Variants in RUSC2 observed in about 807,000 individuals in gnomAD.
The protein encoded by RUSC2 is AP-4 complex accessory subunit RUSC2.
RUSC2 carries 34 observed loss-of-function variants against 122.2 expected under a neutral mutation model. The ratio of observed to expected loss-of-function variants is 0.28; its 90% CI spans 0.21 to 0.37. The LOEUF (loss-of-function observed/expected upper bound fraction) is 0.37, where lower values mean the gene tolerates loss of function less well. Ranked by LOEUF, RUSC2 falls within the 10% of genes least tolerant of loss-of-function variation. The pLI is 1.00. For synonymous variants in RUSC2, 784 were observed against 790.0 expected, an observed-to-expected ratio of 0.99 and a Z score of 0.13; for missense variants, 1,747 against 1,952.4, an observed-to-expected ratio of 0.89 and a Z score of 1.98.
At chr9:35,539,573 ATGCATG>A (rs1284128533) in intron 1 of RUSC2, among the ~76,000 whole-genome samples, 1 of 45,384 alleles carries the variant, frequency 2.2e-5, no homozygotes, top group Non-Finnish European at 6.2e-5. Context: ...ACATACATAC[ATGCATG>A]CATGCATGCA....
chr9:35,548,266 A>G lies in RUSC2; in HGVS notation c.1745A>G (p.Asp582Gly). ...EFSPIQEAQQ[D>G]RGAPLDEGTC... ...TCACCCATCCAAGAAGCCCAGCAAG[A>G]TCGGGGGGCCCCACTGGATGAGGGC... Residue 582 changes from aspartate to glycine, a missense_variant, in exon 2 of 12, where the codon GAT becomes GGT. Asp to Gly is a moderately conservative substitution (Grantham distance 94). Coordinates refer to ENST00000361226, the MANE Select transcript of RUSC2 (RefSeq NM_014806.5). This position sits in a 1 kb window ranked among gnomAD's most constrained non-coding sequence, Gnocchi z 4.5. 3 of 1,613,800 alleles carry G rather than the reference A, an allele frequency of 1.9e-6. No homozygotes were observed. Among genetic ancestry groups the G allele is most frequent in the Non-Finnish European group, 2.5e-6 (3 of 1,179,986 alleles).
intron 1 of RUSC2, among the ~76,000 whole-genome samples, chr9:35,535,137 T>C (rs1166133581): frequency 1.3e-5 from 2 of 152,094 alleles, no homozygotes; most frequent in South Asian, 2.1e-4. Context: ...TTTTTAGATA[T>C]GGAGTGTCAC....
rs1189160207 is a variant in RUSC2 at position 35,561,367 on chromosome 9, A to G, written c.4536A>G (p.Gly1512=). 1 of 1,612,300 alleles carries G rather than the reference A, an allele frequency of 6.2e-7. No homozygotes were observed. The highest frequency in any genetic ancestry group is 8.5e-7 in the Non-Finnish European group (1 of 1,179,110). Residue 1512 remains glycine, a synonymous_variant, in exon 12 of 12, where the codon GGA becomes GGG. Transcript: ENST00000361226. ...CCCCAACTCCAAGTCCAACCCCTGGAAGCAGCCAAAACTGAGGCCCTGTGC... is the reference window on the plus strand; with the variant it reads ...CCCCAACTCCAAGTCCAACCCCTGGGAGCAGCCAAAACTGAGGCCCTGTGC... The part of the protein sequence containing the change: ...TLTPTPSPTP[G]SSQN
chr9:35,527,066 AGATC>A (rs369896277), intron 1 of RUSC2, among the ~76,000 whole-genome samples: 42 of 151,286 alleles, frequency 2.8e-4, no homozygotes, highest in Non-Finnish European at 5.2e-4. Flanking sequence ...TGATTTCTTC[AGATC>A]GATCTTCCAG....
intron 1 of RUSC2, among the ~76,000 whole-genome samples, chr9:35,491,455 T>TAG (rs1820566605): frequency 6.6e-6 from 1 of 152,210 alleles, no homozygotes; most frequent in Non-Finnish European, 1.5e-5. Context: ...GTTATGCCCG[T>TAG]CCTGCTGTAT....
In RUSC2 at chr9:35,558,265, C is replaced by T. The variant is rs148269529; in HGVS notation, c.3129C>T (p.Ala1043=). Residue 1043 remains alanine, a synonymous_variant, in exon 7 of 12, where the codon GCC becomes GCT. Transcript: ENST00000361226. The surrounding 1 kb of genome is among the most constrained non-coding windows in gnomAD (Gnocchi z 4.3). Reference sequence around the variant, plus strand: ...TGGTTCTGAAGTACTTGTGCCCTGCCGTCCGCGCCGTGCTGGAGGATGGGC... The same window carrying T: ...TGGTTCTGAAGTACTTGTGCCCTGCTGTCCGCGCCGTGCTGGAGGATGGGC... ...GHLVLKYLCP[A]VRAVLEDGLK... The T allele has an allele frequency of 2.9e-4, 463 of 1,614,128 alleles. No individual in the cohort carries two copies. Among genetic ancestry groups the T allele is most frequent in the Non-Finnish European group, 3.7e-4 (436 of 1,180,020 alleles).
intron 1 of RUSC2, chr9:35,507,511 T>C (rs1201419831): frequency 5.9e-6 from 1 of 170,480 alleles, no homozygotes; most frequent in Non-Finnish European, 1.3e-5. Flanking sequence ...CAGGCCAGCA[T>C]ATTTAGCATC....
chr9:35,549,693 A>G (rs1316641825), intron 2 of RUSC2, among the ~76,000 whole-genome samples: 2 of 152,220 alleles, frequency 1.3e-5, no homozygotes, highest in East Asian at 3.9e-4. Flanking sequence ...GATTGTCTGT[A>G]CAAAACCACA....
chr9:35,513,932 ATATATATTAC>A lies in RUSC2; in HGVS notation c.-93+23762_-93+23771del, dbSNP rs1380083073. Among the ~76,000 whole-genome samples, 45 of 143,584 alleles carry A rather than the reference ATATATATTAC, an allele frequency of 3.1e-4. No individual in the cohort carries two copies. The South Asian group carries it at 6.8e-3, about 22-fold the overall frequency. 94.2% of individuals were successfully genotyped at this position (143,584 alleles called of 152,430 possible). ...TATATATATATATATATATATATAT[ATATATATTAC>A]TTTATGTGTCTTTATAATGTTATTT... is the stretch of plus-strand genomic sequence containing the variant. On this transcript the variant is annotated intron_variant, in intron 1 of 11. Transcript: ENST00000361226.
intron 2 of RUSC2, among the ~76,000 whole-genome samples, chr9:35,552,340 G>A (rs1327733581): frequency 6.6e-6 from 1 of 152,146 alleles, no homozygotes; most frequent in Non-Finnish European, 1.5e-5. Context: ...CAGCATGGGT[G>A]ACAAAGTGAG....
Position 35,561,320 on chromosome 9 carries a change from C to T in RUSC2, c.4489C>T (p.Pro1497Ser), listed in dbSNP as rs769363217. The T allele has an allele frequency of 1.9e-6, 3 of 1,614,134 alleles. No individual in the cohort carries two copies. The highest frequency in any genetic ancestry group is 2.5e-6 in the Non-Finnish European group (3 of 1,180,014). Reference protein sequence around the residue: ...CSRGPDSGLVPLAYVTLTPTP... With the variant: ...CSRGPDSGLVSLAYVTLTPTP... ...CCGTGGCCCCGACTCTGGCCTGGTG[C>T]CCCTGGCCTACGTGACATTGACCCC... The change falls in exon 12 of 12, where the codon CCC becomes TCC. Residue 1497 changes from proline (P) to serine (S), a missense_variant. By Grantham distance (74) the Pro-to-Ser change is moderately conservative. Transcript: ENST00000361226.
intron 1 of RUSC2, among the ~76,000 whole-genome samples, chr9:35,503,342 G>T (rs1820852481): frequency 6.6e-6 from 1 of 152,154 alleles, no homozygotes; most frequent in African/African-American, 2.4e-5. Flanking sequence ...CTCCTACTAT[G>T]AGTGAGAACA....
Position 35,561,718 on chromosome 9 carries a change from C to T in RUSC2, c.*336C>T, listed in dbSNP as rs980607744. On this transcript the variant is annotated 3_prime_UTR_variant, in exon 12 of 12. Transcript: ENST00000361226. ...AAGCCATCTACAGGGTTCCCTAGGC[C>T]AGGTGGAGATGAGGATGGGTAACAG... 1 of 531,630 alleles carries T rather than the reference C, an allele frequency of 1.9e-6. No homozygotes were observed. Among genetic ancestry groups the T allele is most frequent in the African/African-American group, 1.9e-5 (1 of 52,856 alleles). The allele number at this position is 531,630 out of a possible 1,614,324, so 32.9% of individuals were successfully genotyped here.
intron 1 of RUSC2, among the ~76,000 whole-genome samples, chr9:35,500,443 G>A (rs544178761): frequency 4.4e-4 from 67 of 152,256 alleles, no homozygotes; most frequent in African/African-American, 1.6e-3. Flanking sequence ...ATTTGGGTGG[G>A]AACATAGCCA....
chr9:35,507,671 G>C, intron 1 of RUSC2: 1 of 232,276 alleles, frequency 4.3e-6, no homozygotes, highest in Non-Finnish European at 9.0e-6. Flanking sequence ...TGTGTGTCTA[G>C]GGAAAGCAGC....
At position 35,495,936 on chromosome 9, in the gene RUSC2, G is replaced by T. The variant is rs191603277; in HGVS notation, c.-93+5764G>T. Among the ~76,000 whole-genome samples, 67 of 152,178 alleles carry T rather than the reference G, an allele frequency of 4.4e-4. 1 individual carries two copies. The highest frequency in any genetic ancestry group is 4.3e-3 in the Admixed American group (65 of 15,264). The stretch of plus-strand genomic sequence containing the variant: ...TATTCTTTTTGATGTTACTGTAAAT[G>T]GAATTGTTTTAATTTCCATTTCAGA... On this transcript the variant is annotated intron_variant, in intron 1 of 11. Coordinates refer to ENST00000361226, the MANE Select transcript of RUSC2 (RefSeq NM_014806.5).
chr9:35,515,350 A>G (rs1005249566), intron 1 of RUSC2, among the ~76,000 whole-genome samples: 2 of 152,014 alleles, frequency 1.3e-5, no homozygotes, highest in Non-Finnish European at 2.9e-5. Flanking sequence ...GATTTTTAGT[A>G]CCTTGTCATT....
At position 35,528,138 on chromosome 9, in the gene RUSC2, C is replaced by T. The variant is rs938418891; in HGVS notation, c.-92-18292C>T. Among the ~76,000 whole-genome samples the T allele has an allele frequency of 3.3e-5, 5 of 152,152 alleles. No homozygotes were observed. In the East Asian group the frequency reaches 5.8e-4, roughly 18 times the overall value. On this transcript the variant is annotated intron_variant, in intron 1 of 11. Transcript: ENST00000361226. ...CTGTGGCTCATGCCTATAATCCCAG[C>T]GCTTTGGAAGGCTGAGGCAGGAGGA...
chr9:35,545,047 T>C (rs902488440), intron 1 of RUSC2, among the ~76,000 whole-genome samples: 5 of 152,198 alleles, frequency 3.3e-5, no homozygotes, highest in African/African-American at 4.8e-5. Context: ...TTTAACACAA[T>C]TATATTTTAA....
Sources: allele counts gnomAD v4.1 joint callset (sites outside exome capture counted in the v4.1 genomes callset), GRCh38; gene constraint gnomAD v4.1.1; non-coding constraint Gnocchi (gnomAD v3.1); transcripts MANE v1.5; gene names NCBI Gene and HGNC (gene_info 2026-07-23, HGNC 2026-07-21).